Variants in XKR9 observed in about 807,000 individuals in gnomAD.
The protein encoded by XKR9 is XK related 9, also known as XK-related protein 9.
A neutral mutation model predicts 32.0 loss-of-function variants in XKR9; 32 were observed. The observed-to-expected ratio is 1.00, with a 90% CI of 0.76 to 1.34. The LOEUF (loss-of-function observed/expected upper bound fraction) is 1.34, where lower values mean the gene tolerates loss of function less well. Among genes scored for constraint, XKR9 ranks in the 40% most tolerant of loss-of-function variants. The pLI is 0.00. For synonymous variants in XKR9, 168 were observed against 143.4 expected (o/e 1.17, Z -1.22); for missense variants, 546 against 429.7 (o/e 1.27, Z -2.39).
At chr8:70,768,823 T>A (rs1160998709) in intron 2 of XKR9, among the ~76,000 whole-genome samples, 1 of 152,098 alleles carries the variant, frequency 6.6e-6, no homozygotes. Flanking sequence ...CCTATATGTG[T>A]CTTTGCACAT....
the XKR9 span, among the ~76,000 whole-genome samples, chr8:71,032,891 C>G: frequency 6.6e-6 from 1 of 152,116 alleles, no homozygotes; most frequent in Admixed American, 6.5e-5. Context: ...TCAAACCCAG[C>G]CTGGCCAACA....
At chr8:70,947,489 G>A in the XKR9 span, among the ~76,000 whole-genome samples, 1 of 152,174 alleles carries the variant, frequency 6.6e-6, no homozygotes, top group Admixed American at 6.5e-5. Flanking sequence ...ATGAAGAAAA[G>A]TACTCCTGAA....
chr8:70,997,860 CCCTT>C, the XKR9 span, among the ~76,000 whole-genome samples: 2 of 152,166 alleles, frequency 1.3e-5, no homozygotes, highest in Non-Finnish European at 2.9e-5. Flanking sequence ...TTTCTTCCCT[CCCTT>C]TGAATGTGTG....
chr8:70,757,260 A>G (rs1441516683), intron 2 of XKR9, among the ~76,000 whole-genome samples: 2 of 151,986 alleles, frequency 1.3e-5, no homozygotes, highest in Non-Finnish European at 2.9e-5. Context: ...GGTGCATTTA[A>G]TGGTGTCCCA....
the XKR9 span, among the ~76,000 whole-genome samples, chr8:71,003,461 T>G: frequency 6.6e-6 from 1 of 152,222 alleles, no homozygotes; most frequent in African/African-American, 2.4e-5. Context: ...TTTTTTCTTT[T>G]TCAACCTAAA....
the XKR9 span, among the ~76,000 whole-genome samples, chr8:70,862,346 A>G: frequency 6.6e-6 from 1 of 152,096 alleles, no homozygotes; most frequent in African/African-American, 2.4e-5. Flanking sequence ...CTAGCTTATT[A>G]GAGCAACTAA....
chr8:71,013,868 A>T, the XKR9 span, among the ~76,000 whole-genome samples: 1 of 152,086 alleles, frequency 6.6e-6, no homozygotes, highest in Non-Finnish European at 1.5e-5. Context: ...TTAACTCAAT[A>T]GTGTTTATAC....
At chr8:70,730,311 A>T (rs1806621921) in intron 4 of XKR9, among the ~76,000 whole-genome samples, 2 of 152,202 alleles carry the variant, frequency 1.3e-5, no homozygotes, top group Admixed American at 1.3e-4. Flanking sequence ...ATAAAATATT[A>T]TAAATCTATG....
the XKR9 span, among the ~76,000 whole-genome samples, chr8:70,917,273 A>C: frequency 6.6e-6 from 1 of 152,104 alleles, no homozygotes; most frequent in East Asian, 1.9e-4. Context: ...TACCAAAAAT[A>C]GTTTTCCTCT....
the XKR9 span, among the ~76,000 whole-genome samples, chr8:70,878,436 C>A: frequency 6.6e-6 from 1 of 151,900 alleles, no homozygotes; most frequent in Non-Finnish European, 1.5e-5. Context: ...TGCACATAGG[C>A]TCAAAATAAA....
the XKR9 span, among the ~76,000 whole-genome samples, chr8:70,810,154 T>G: frequency 1.6e-3 from 244 of 152,054 alleles, 5 homozygotes; most frequent in South Asian, 0.049. Flanking sequence ...TTAAAGAAAA[T>G]AATTTTCAAC....
the XKR9 span, among the ~76,000 whole-genome samples, chr8:71,027,787 G>A: frequency 5.3e-5 from 8 of 149,884 alleles, no homozygotes; most frequent in Non-Finnish European, 1.2e-4. Flanking sequence ...GGCGGGGGGG[G>A]GGGGTCTCAC....
At chr8:70,808,997 C>T in the XKR9 span, among the ~76,000 whole-genome samples, 1 of 152,228 alleles carries the variant, frequency 6.6e-6, no homozygotes, top group African/African-American at 2.4e-5. Flanking sequence ...AGACTGCCTC[C>T]TCAAGTGGGT....
At chr8:71,019,192 T>A in the XKR9 span, among the ~76,000 whole-genome samples, 1 of 152,156 alleles carries the variant, frequency 6.6e-6, no homozygotes, top group African/African-American at 2.4e-5. Flanking sequence ...ATAAGGTATT[T>A]TATAGATGGA....
chr8:70,863,361 A>G, the XKR9 span, among the ~76,000 whole-genome samples: 15 of 152,366 alleles, frequency 9.8e-5, no homozygotes, highest in East Asian at 2.7e-3. Flanking sequence ...AAAGGGTACT[A>G]TAGGTGGTAT....
chr8:70,948,131 C>T, the XKR9 span, among the ~76,000 whole-genome samples: 1 of 145,186 alleles, frequency 6.9e-6, no homozygotes, highest in Non-Finnish European at 1.5e-5. Context: ...ATATGATAAA[C>T]GTAAGAAAAG....
chr8:70,966,852 T>C, the XKR9 span, among the ~76,000 whole-genome samples: 1 of 152,142 alleles, frequency 6.6e-6, no homozygotes, highest in African/African-American at 2.4e-5. Flanking sequence ...TTTATTGAAT[T>C]GAACACTTTA....
the XKR9 span, among the ~76,000 whole-genome samples, chr8:70,899,985 A>G: frequency 6.6e-6 from 1 of 152,192 alleles, no homozygotes; most frequent in East Asian, 1.9e-4. Context: ...ATTAGCATCT[A>G]AAAATGTACA....
chr8:70,751,584 G>A (rs1450184263), intron 2 of XKR9, among the ~76,000 whole-genome samples: 1 of 152,142 alleles, frequency 6.6e-6, no homozygotes, highest in African/African-American at 2.4e-5. Flanking sequence ...CCCAATATGG[G>A]TAGGTACCAT....
Sources: gnomAD v4.1 joint callset for allele counts (sites outside exome capture counted in the v4.1 genomes callset) on GRCh38, gnomAD v4.1.1 for gene constraint, MANE v1.5 for transcripts, NCBI Gene and HGNC (gene_info 2026-07-23, HGNC 2026-07-21) for gene names.